The following NAV2 variants were observed in gnomAD, a reference collection of about 807,000 sequenced individuals.
NAV2 encodes helicase, APC down-regulated 1.
A neutral mutation model predicts 223.2 loss-of-function variants in NAV2; 54 were observed. That is an observed-to-expected ratio of 0.24 (90% confidence interval 0.19 to 0.30). The LOEUF (loss-of-function observed/expected upper bound fraction) is 0.30, where lower values mean the gene tolerates loss of function less well. Among genes scored for constraint, NAV2 ranks in the 10% least tolerant of loss-of-function variants. NAV2 has a pLI of 1.00. For missense variants in NAV2, 2,806 were observed against 3,147.5 expected (o/e 0.89, Z 2.60); for synonymous variants, 1,279 against 1,239.3 (o/e 1.03, Z -0.67).
At chr11:20,095,837 G>A (rs2061224193) in intron 30 of NAV2, 70 bp downstream of exon 30, 2 of 1,130,640 alleles carry the variant, frequency 1.8e-6, no homozygotes, top group Non-Finnish European at 2.7e-6. Flanking sequence ...GAGGAAAAGA[G>A]AGGTTGATGT....
At chr11:19,623,097 C>G (rs557545521) in intron 1 of NAV2, among the ~76,000 whole-genome samples, 4 of 152,304 alleles carry the variant, frequency 2.6e-5, no homozygotes, top group African/African-American at 9.6e-5. Context: ...TTGGCCCCCA[C>G]TCTCTTCTAG....
intron 37 of NAV2, among the ~76,000 whole-genome samples, chr11:20,115,134 C>T (rs559255106): frequency 2.2e-5 from 3 of 139,060 alleles, no homozygotes; most frequent in African/African-American, 7.6e-5. Context: ...TTGATCTCTC[C>T]TACCGATAGC....
At chr11:19,861,355 A>T (rs1036534634) in intron 3 of NAV2, among the ~76,000 whole-genome samples, 1 of 152,228 alleles carries the variant, frequency 6.6e-6, no homozygotes, top group Non-Finnish European at 1.5e-5. Context: ...CGGAAAGCAG[A>T]TAAGCCTGTT....
At chr11:19,869,375 C>T (rs1398213925) in intron 4 of NAV2, among the ~76,000 whole-genome samples, 1 of 152,154 alleles carries the variant, frequency 6.6e-6, no homozygotes, top group Non-Finnish European at 1.5e-5. Flanking sequence ...TGTACAGTTC[C>T]CGGGGAAAAA....
chr11:19,986,869 T>C (rs1398257149), intron 11 of NAV2, among the ~76,000 whole-genome samples: 1 of 152,226 alleles, frequency 6.6e-6, no homozygotes, highest in Admixed American at 6.5e-5. Flanking sequence ...AAATAGTACA[T>C]TTGTTTCTGT....
intron 1 of NAV2, among the ~76,000 whole-genome samples, chr11:19,652,308 C>T (rs2047993205): frequency 6.6e-6 from 1 of 152,120 alleles, no homozygotes; most frequent in African/African-American, 2.4e-5. Flanking sequence ...GCAGAGCTGA[C>T]ATGCAGGGTG....
At chr11:19,509,803 C>G (rs1171528008) in intron 1 of NAV2, among the ~76,000 whole-genome samples, 3 of 152,094 alleles carry the variant, frequency 2.0e-5, no homozygotes, top group Non-Finnish European at 4.4e-5. Context: ...CAGTTGAGCC[C>G]CTGACATTTG....
chr11:19,868,592 C>T (rs2062246568), intron 3 of NAV2, among the ~76,000 whole-genome samples: 1 of 152,126 alleles, frequency 6.6e-6, no homozygotes, highest in Non-Finnish European at 1.5e-5. Context: ...ATGGGTGTGT[C>T]CACTAACCCT....
At chr11:19,618,416 G>A (rs1377689616) in intron 1 of NAV2, among the ~76,000 whole-genome samples, 10 of 140,138 alleles carry the variant, frequency 7.1e-5, no homozygotes, top group African/African-American at 1.3e-4. Flanking sequence ...ATGGATGGAT[G>A]GATGGATGGA....
At chr11:19,757,946 T>A (rs983145812) in intron 1 of NAV2, among the ~76,000 whole-genome samples, 2 of 152,196 alleles carry the variant, frequency 1.3e-5, no homozygotes, top group African/African-American at 4.8e-5. Flanking sequence ...TCTCTCAGTG[T>A]CATCATTATC....
intron 19 of NAV2, among the ~76,000 whole-genome samples, chr11:20,058,025 T>C (rs929196546): frequency 6.6e-6 from 1 of 152,236 alleles, no homozygotes; most frequent in Non-Finnish European, 1.5e-5. Flanking sequence ...AACATTATCA[T>C]CTTTTGGAAA....
intron 1 of NAV2, among the ~76,000 whole-genome samples, chr11:19,775,767 GA>G (rs1330720419): frequency 1.3e-5 from 2 of 152,200 alleles, no homozygotes; most frequent in African/African-American, 4.8e-5. Flanking sequence ...AGTCTAGGGG[GA>G]AACAGTGCTC....
intron 1 of NAV2, chr11:19,505,136 A>G (rs7932250): frequency 0.33 from 50,601 of 152,168 alleles, 8,939 homozygotes; most frequent in South Asian, 0.4. Context: ...GGATTAGGCC[A>G]CAAGGGACAT....
At chr11:20,036,703 C>A (rs1224146908) in intron 12 of NAV2, among the ~76,000 whole-genome samples, 3 of 152,186 alleles carry the variant, frequency 2.0e-5, no homozygotes, top group Admixed American at 6.5e-5. Flanking sequence ...TTCCTGGTTG[C>A]TCTTGAGAAA....
chr11:20,043,411 C>T (rs2057128810), intron 12 of NAV2, among the ~76,000 whole-genome samples: 1 of 152,072 alleles, frequency 6.6e-6, no homozygotes, highest in Non-Finnish European at 1.5e-5. Flanking sequence ...TTTTCCTGGG[C>T]CCCTTTTCCT....
intron 22 of NAV2, among the ~76,000 whole-genome samples, chr11:20,077,339 G>A (rs1040248842): frequency 3.3e-5 from 5 of 152,024 alleles, no homozygotes; most frequent in Admixed American, 3.3e-4. Context: ...ATGTACAAGG[G>A]CCCTAAGATG....
At chr11:19,657,485 C>G (rs965128148) in intron 1 of NAV2, among the ~76,000 whole-genome samples, 17 of 152,176 alleles carry the variant, frequency 1.1e-4, no homozygotes, top group Admixed American at 2.6e-4. Context: ...GGCAGATGGT[C>G]AAGTTGGCTG....
rs530402580 is a variant in NAV2 at position 19,737,824 on chromosome 11, G to A, written c.267+23862G>A. Among the ~76,000 whole-genome samples the A allele has an allele frequency of 3.9e-5, 6 of 152,344 alleles. No homozygotes were observed. In the South Asian group the frequency reaches 1.2e-3, roughly 32 times the overall value. ...CTGAGACCTGAGCAGATCCAACGCA[G>A]CTGATCCGAGTAGGGGAGCTGAGAT... On this transcript the variant is annotated intron_variant, in intron 1 of 37. Transcript: ENST00000349880.
chr11:19,391,299 T>C (rs570071575), intron 1 of NAV2, among the ~76,000 whole-genome samples: 56 of 152,292 alleles, frequency 3.7e-4, no homozygotes, highest in African/African-American at 1.3e-3. Flanking sequence ...TCTGTGTTAG[T>C]GTCTCACCTC....
Sources: gnomAD v4.1 joint callset for allele counts (sites outside exome capture counted in the v4.1 genomes callset) on GRCh38, gnomAD v4.1.1 for gene constraint, MANE v1.5 for transcripts, NCBI Gene and HGNC (gene_info 2026-07-23, HGNC 2026-07-21) for gene names.